DRC1: variants seen among roughly 807,000 people sequenced by gnomAD.
DRC1 encodes the protein dynein regulatory complex protein 1.
DRC1 carries 74 observed loss-of-function variants against 98.7 expected under a neutral mutation model. The observed-to-expected ratio is 0.75, with a 90% CI of 0.62 to 0.91. The LOEUF (loss-of-function observed/expected upper bound fraction) is 0.91. Ranked by LOEUF, DRC1 falls within the 40% of genes least tolerant of loss-of-function variation. The pLI is 0.00. For synonymous variants in DRC1, 336 were observed against 334.1 expected (o/e 1.01, Z -0.06); for missense variants, 875 against 886.0 (o/e 0.99, Z 0.16).
rs1388067021 is a variant in DRC1 at position 26,429,806 on chromosome 2, G to A, written c.678+41G>A. 3.1e-6 allele frequency: 5 copies of A among 1,606,496 alleles called. No individual in the cohort carries two copies. The South Asian group carries it at 5.6e-5, about 18-fold the overall frequency. On this transcript the variant is annotated intron_variant, in intron 5 of 16. Coordinates refer to ENST00000288710, the MANE Select transcript of DRC1 (RefSeq NM_145038.5). ...AAGACCTGGTTTCTGCTCTTGGAGG[G>A]CCCCTGGGAGGAGGTCTAGGTCTGT...
chr2:26,432,279 T>C (rs1371481389), intron 7 of DRC1, among the ~76,000 whole-genome samples: 1 of 152,132 alleles, frequency 6.6e-6, no homozygotes, highest in African/African-American at 2.4e-5. Flanking sequence ...TGAGGATCGC[T>C]TGAGCCCCGG....
intron 2 of DRC1, among the ~76,000 whole-genome samples, chr2:26,418,687 T>TAA (rs1558438301): frequency 7.9e-5 from 7 of 88,768 alleles, no homozygotes; most frequent in Non-Finnish European, 1.5e-4. Context: ...ATAATTTATA[T>TAA]TATATATAAA....
At chr2:26,434,166 A>T (rs1663507731) in intron 7 of DRC1, among the ~76,000 whole-genome samples, 1 of 152,360 alleles carries the variant, frequency 6.6e-6, no homozygotes, top group Non-Finnish European at 1.5e-5. Flanking sequence ...CAAACCACAA[A>T]AATAGGAAGG....
intron 7 of DRC1, among the ~76,000 whole-genome samples, chr2:26,436,912 CA>C (rs762921939): frequency 1.3e-5 from 2 of 152,144 alleles, no homozygotes; most frequent in Non-Finnish European, 2.9e-5. Flanking sequence ...ATTGTCATCC[CA>C]AATGGAGAGC....
Position 26,454,637 on chromosome 2 carries a change from T to C in DRC1, c.1920-10T>C, listed in dbSNP as rs528306826. ...ATGGACATGACAATCACTGTGCTCT[T>C]GGCCTTCAGGGACTCGCGGGCCCCG... On this transcript the variant is annotated splice_polypyrimidine_tract_variant and intron_variant, in intron 14 of 16. Transcript: ENST00000288710. This position sits in a 1 kb window ranked among gnomAD's most constrained non-coding sequence, Gnocchi z 5.2. The C allele has an allele frequency of 1.2e-6, 2 of 1,613,930 alleles. No homozygotes were observed. Among genetic ancestry groups the C allele is most frequent in the African/African-American group, 1.3e-5 (1 of 75,038 alleles).
chr2:26,434,868 G>A (rs911241833), intron 7 of DRC1, among the ~76,000 whole-genome samples: 5 of 148,482 alleles, frequency 3.4e-5, no homozygotes. Flanking sequence ...TCCAGCCTGG[G>A]TGACAGAGCG....
rs910086778 is a variant in DRC1 at position 26,454,080 on chromosome 2, T to C, written c.1919+531T>C. 6.6e-6 allele frequency among the ~76,000 whole-genome samples: 1 copy of C among 152,102 alleles called. No homozygotes were observed. The highest frequency in any genetic ancestry group is 1.5e-5 in the Non-Finnish European group (1 of 68,006). On this transcript the variant is annotated intron_variant, in intron 14 of 16. Coordinates refer to ENST00000288710, the MANE Select transcript of DRC1 (RefSeq NM_145038.5). The surrounding 1 kb of genome is among the most constrained non-coding windows in gnomAD (Gnocchi z 5.2). ...GAGGTGGCACTGGTGGGTGGGGAGC[T>C]AGCCAGGTCTTGGAGAGCCTTGCCC...
chr2:26,431,035 A>G (rs1442472250), intron 6 of DRC1, among the ~76,000 whole-genome samples, 163 bp downstream of exon 6: 2 of 138,778 alleles, frequency 1.4e-5, no homozygotes, highest in Non-Finnish European at 3.0e-5. Context: ...ATCTCGGCTC[A>G]CTGCAACCTC....
At chr2:26,444,064 A>C (rs1558451064) in intron 8 of DRC1, among the ~76,000 whole-genome samples, 158 bp from the exon 9 acceptor site, 1 of 152,020 alleles carries the variant, frequency 6.6e-6, no homozygotes, top group Non-Finnish European at 1.5e-5. Context: ...CCTTTTGTTG[A>C]TCAAAATGGG....
chr2:26,453,340 G>C lies in DRC1; in HGVS notation c.1710G>C (p.Ala570=). The change falls in exon 14 of 17, where the codon GCG becomes GCC. Residue 570 remains alanine (A), a synonymous_variant. Transcript: ENST00000288710. ...TCCAGATCAAGCCCTGCAGTCAGGCGAGCATGGAGAAGGCGAGCATGGAGG... is the reference window on the plus strand; with the variant it reads ...TCCAGATCAAGCCCTGCAGTCAGGCCAGCATGGAGAAGGCGAGCATGGAGG... ...SSLQIKPCSQ[A]SMEKASMEET... 6.2e-7 allele frequency: 1 copy of C among 1,613,222 alleles called. No homozygotes were observed. Among genetic ancestry groups the C allele is most frequent in the Non-Finnish European group, 8.5e-7 (1 of 1,180,020 alleles).
Position 26,444,875 on chromosome 2 carries a change from C to T in DRC1, c.1323C>T (p.Asn441=). 1 of 1,614,182 alleles carries T rather than the reference C, an allele frequency of 6.2e-7. No homozygotes were observed. Among genetic ancestry groups the T allele is most frequent in the Non-Finnish European group, 8.5e-7 (1 of 1,180,046 alleles). The change falls in exon 10 of 17, where the codon AAC becomes AAT. Residue 441 remains asparagine, a synonymous_variant. Coordinates refer to ENST00000288710, the MANE Select transcript of DRC1 (RefSeq NM_145038.5). The part of the protein sequence containing the change: ...PWAAPDFWFL[N]NVGPISQQPQ... Reference sequence around the variant, plus strand: ...CAGCACCTGATTTCTGGTTCCTGAACAATGTTGGGCCTATTTCTCAGCAGC... The same window carrying T: ...CAGCACCTGATTTCTGGTTCCTGAATAATGTTGGGCCTATTTCTCAGCAGC...
chr2:26,418,491 T>C (rs1558437774), intron 2 of DRC1, among the ~76,000 whole-genome samples: 1 of 133,802 alleles, frequency 7.5e-6, no homozygotes, highest in African/African-American at 2.8e-5. Flanking sequence ...GGAGGATATA[T>C]ATAAAATATA....
At chr2:26,436,907 C>G (rs116145598) in intron 7 of DRC1, among the ~76,000 whole-genome samples, 206 of 152,300 alleles carry the variant, frequency 1.4e-3, no homozygotes, top group African/African-American at 4.8e-3. Flanking sequence ...CATTCATTGT[C>G]ATCCCAAATG....
intron 9 of DRC1, 120 bp from the exon 10 acceptor site, chr2:26,444,596 A>C (rs1327706371): frequency 1.8e-6 from 2 of 1,095,204 alleles, no homozygotes; most frequent in Non-Finnish European, 2.6e-6. Context: ...CCGCCCAGGG[A>C]TGGGGCCAGG....
intron 1 of DRC1, among the ~76,000 whole-genome samples, chr2:26,402,786 C>T (rs1678294814): frequency 6.6e-6 from 1 of 152,204 alleles, no homozygotes; most frequent in Admixed American, 6.5e-5. Context: ...GGTTGATTGC[C>T]CACCGTCTGG....
chr2:26,434,758 G>A (rs1349741039), intron 7 of DRC1, among the ~76,000 whole-genome samples: 3 of 152,150 alleles, frequency 2.0e-5, no homozygotes, highest in Non-Finnish European at 4.4e-5. Flanking sequence ...GGGTGTGGTG[G>A]CGGGCGCCTG....
intron 4 of DRC1, 73 bp from the exon 5 acceptor site, chr2:26,429,555 G>T: frequency 6.4e-7 from 1 of 1,571,126 alleles, no homozygotes; most frequent in South Asian, 1.2e-5. Flanking sequence ...GGTGAGAGGA[G>T]TCTAGAGAGA....
chr2:26,415,529 A>G (rs1372948627), intron 2 of DRC1, among the ~76,000 whole-genome samples: 3 of 152,220 alleles, frequency 2.0e-5, no homozygotes, highest in Non-Finnish European at 4.4e-5. Flanking sequence ...AAGATATTTT[A>G]CTGTGGAAAG....
Position 26,432,439 on chromosome 2 carries a change from T to A in DRC1, c.888+433T>A, listed in dbSNP as rs534101096. On this transcript the variant is annotated intron_variant, in intron 7 of 16. Coordinates refer to ENST00000288710, the MANE Select transcript of DRC1 (RefSeq NM_145038.5). Reference sequence around the variant, plus strand: ...ACTTGAGCCCAGGAGTTTAAGGCTATAGTGAGCTGTGATCATACCACTGCA... The same window carrying A: ...ACTTGAGCCCAGGAGTTTAAGGCTAAAGTGAGCTGTGATCATACCACTGCA... Among the ~76,000 whole-genome samples the A allele has an allele frequency of 5.1e-4, 77 of 151,698 alleles. No homozygotes were observed. In the East Asian group the frequency reaches 8.9e-3, roughly 18 times the overall value.
Sources: gnomAD v4.1 joint callset for allele counts (sites outside exome capture counted in the v4.1 genomes callset) on GRCh38, gnomAD v4.1.1 for gene constraint, Gnocchi (gnomAD v3.1) non-coding constraint, MANE v1.5 for transcripts, NCBI Gene and HGNC (gene_info 2026-07-23, HGNC 2026-07-21) for gene names.